Variants in DCLK2 observed in about 807,000 individuals in gnomAD.
DCLK2 encodes the protein serine/threonine-protein kinase DCLK2.
A neutral mutation model predicts 78.4 loss-of-function variants in DCLK2; 31 were observed. The ratio of observed to expected loss-of-function variants is 0.40; its 90% CI spans 0.30 to 0.53. The LOEUF is 0.53. Among genes scored for constraint, DCLK2 ranks in the 20% least tolerant of loss-of-function variants. DCLK2 has a pLI of 0.61. For synonymous variants in DCLK2, 407 were observed against 374.9 expected (o/e 1.09, Z -0.99); for missense variants, 872 against 973.7 (o/e 0.90, Z 1.39).
chr4:150,221,620 G>A, intron 6 of DCLK2, 57 bp from the exon 7 acceptor site: 1 of 1,076,640 alleles, frequency 9.3e-7, no homozygotes, highest in East Asian at 2.7e-5. Context: ...CAAATATGTA[G>A]GAATCTGTAT....
At chr4:150,160,116 G>C (rs1382750808) in intron 2 of DCLK2, among the ~76,000 whole-genome samples, 2 of 152,010 alleles carry the variant, frequency 1.3e-5, no homozygotes, top group African/African-American at 4.8e-5. Flanking sequence ...CCAGGCTTAA[G>C]TGGTTTTCCC....
intron 1 of DCLK2, among the ~76,000 whole-genome samples, chr4:150,082,924 G>A (rs1048597799): frequency 6.6e-6 from 1 of 152,204 alleles, no homozygotes; most frequent in Non-Finnish European, 1.5e-5. Flanking sequence ...ACCAAGGACA[G>A]TAGAAAAAGT....
At chr4:150,231,271 T>G (rs564069855) in intron 8 of DCLK2, among the ~76,000 whole-genome samples, 2 of 152,352 alleles carry the variant, frequency 1.3e-5, no homozygotes, top group African/African-American at 2.4e-5. Context: ...AAATGTTGGT[T>G]TCTTTCTTTC....
At chr4:150,147,851 T>C (rs2150223940) in intron 2 of DCLK2, among the ~76,000 whole-genome samples, 1 of 152,320 alleles carries the variant, frequency 6.6e-6, no homozygotes, top group Admixed American at 6.5e-5. Flanking sequence ...AATAAACAGA[T>C]TAATTGAAAT....
intron 2 of DCLK2, among the ~76,000 whole-genome samples, chr4:150,147,098 A>T (rs899032082): frequency 6.6e-6 from 1 of 152,082 alleles, no homozygotes; most frequent in Non-Finnish European, 1.5e-5. Context: ...AGTCTGGGCA[A>T]CATAGTGAGG....
At chr4:150,141,868 T>A (rs1002848545) in intron 2 of DCLK2, among the ~76,000 whole-genome samples, 7 of 152,214 alleles carry the variant, frequency 4.6e-5, no homozygotes, top group African/African-American at 1.4e-4. Context: ...GTAGCGTGAT[T>A]TAATACCCTG....
chr4:150,107,378 G>GGTT (rs535824608), intron 2 of DCLK2, among the ~76,000 whole-genome samples: 18,575 of 124,916 alleles, frequency 0.15, 1,629 homozygotes, highest in Non-Finnish European at 0.2. Context: ...TTTGGTTATT[G>GGTT]TTTTTTTTTT....
At position 150,215,742 on chromosome 4, in the gene DCLK2, G is replaced by A. The variant is rs115635204; in HGVS notation, c.1057-4961G>A. 9.7e-4 allele frequency among the ~76,000 whole-genome samples: 148 copies of A among 152,280 alleles called. 1 individual carries two copies. The highest frequency in any genetic ancestry group is 3.4e-3 in the African/African-American group (140 of 41,560). On this transcript the variant is annotated intron_variant, in intron 5 of 15. Transcript: ENST00000296550. ...CTGTAGAAATATGACTGGACAAAAA[G>A]GGGTATGATCTAAGCCCAGCAAAGC...
chr4:150,130,789 T>C (rs985090052), intron 2 of DCLK2, among the ~76,000 whole-genome samples: 3 of 151,796 alleles, frequency 2.0e-5, no homozygotes, highest in Non-Finnish European at 4.4e-5. Flanking sequence ...GAGCAGAGAA[T>C]CCAGACTGAA....
chr4:150,125,060 A>G (rs1025836506), intron 2 of DCLK2, among the ~76,000 whole-genome samples: 1 of 152,174 alleles, frequency 6.6e-6, no homozygotes, highest in African/African-American at 2.4e-5. Context: ...GAAAGACACC[A>G]ATGTTTTTAC....
At chr4:150,142,665 T>C (rs576944032) in intron 2 of DCLK2, among the ~76,000 whole-genome samples, 1 of 152,300 alleles carries the variant, frequency 6.6e-6, no homozygotes, top group East Asian at 1.9e-4. Flanking sequence ...TTAAATAAAC[T>C]ATCTGATTCG....
chr4:150,101,460 A>G (rs1383214002), intron 1 of DCLK2, among the ~76,000 whole-genome samples: 1 of 152,112 alleles, frequency 6.6e-6, no homozygotes, highest in Admixed American at 6.6e-5. Flanking sequence ...TTAAGTATTT[A>G]TAATATTTAA....
At chr4:150,177,330 G>T (rs1221814905) in intron 2 of DCLK2, among the ~76,000 whole-genome samples, 2 of 152,030 alleles carry the variant, frequency 1.3e-5, no homozygotes, top group East Asian at 3.9e-4. Context: ...GCTCCTTTTG[G>T]TCAAGAAGCC....
chr4:150,167,197 G>A (rs1300954081), intron 2 of DCLK2, among the ~76,000 whole-genome samples: 1 of 152,200 alleles, frequency 6.6e-6, no homozygotes, highest in Non-Finnish European at 1.5e-5. Flanking sequence ...AAGGAGGAGA[G>A]AGAAAAGCCA....
Sources: gnomAD v4.1 joint callset for allele counts (sites outside exome capture counted in the v4.1 genomes callset) on GRCh38, gnomAD v4.1.1 for gene constraint, MANE v1.5 for transcripts, NCBI Gene and HGNC (gene_info 2026-07-23, HGNC 2026-07-21) for gene names.